PKNOX1: variants seen among roughly 807,000 people sequenced by gnomAD.
PKNOX1 encodes the protein homeobox protein PKNOX1.
Under a neutral mutation model 51.9 loss-of-function variants are expected in PKNOX1, and 15 were observed. The observed-to-expected ratio is 0.29, with a 90% confidence interval of 0.19 to 0.45. The LOEUF (loss-of-function observed/expected upper bound fraction) is 0.45, where lower values mean the gene tolerates loss of function less well. PKNOX1 is among the 20% of genes least tolerant of loss of function. PKNOX1 has a pLI of 1.00. For synonymous variants in PKNOX1, 219 were observed against 211.1 expected, an observed-to-expected ratio of 1.04 and a Z score of -0.32; for missense variants, 462 against 547.5, an observed-to-expected ratio of 0.84 and a Z score of 1.56.
Position 43,032,294 on chromosome 21 carries a change from A to T in PKNOX1, c.*2193A>T. On this transcript the variant is annotated 3_prime_UTR_variant, in exon 11 of 11. Transcript: ENST00000291547. ...ACTCCTTAAAATAAGCACCCATGAA[A>T]GCCAGCCAGCCCTTCCTCCTTCCCT... 1 of 353,658 alleles carries T rather than the reference A, an allele frequency of 2.8e-6. No individual in the cohort carries two copies. Among genetic ancestry groups the T allele is most frequent in the Non-Finnish European group, 5.9e-6 (1 of 168,108 alleles). The allele number at this position is 353,658 out of a possible 1,614,324, so 21.9% of individuals were successfully genotyped here.
chr21:43,017,894 G>A, intron 6 of PKNOX1: 1 of 385,780 alleles, frequency 2.6e-6, no homozygotes, highest in South Asian at 4.1e-5. Context: ...TCAAACCAGG[G>A]ATTTTATTCC....
chr21:42,987,399 AAAAAAATAT>A (rs1181406887), intron 1 of PKNOX1, among the ~76,000 whole-genome samples: 8 of 114,124 alleles, frequency 7.0e-5, no homozygotes, highest in Non-Finnish European at 1.5e-4. Flanking sequence ...AAAAAAAAAA[AAAAAAATAT>A]ATATATATAT....
At chr21:42,979,313 C>G (rs1456465367) in intron 1 of PKNOX1, among the ~76,000 whole-genome samples, 1 of 152,012 alleles carries the variant, frequency 6.6e-6, no homozygotes, top group Non-Finnish European at 1.5e-5. Context: ...AACACAGACA[C>G]AAAGTGAGCT....
Position 42,982,142 on chromosome 21 carries a change from A to G in PKNOX1, c.-57+7478A>G, listed in dbSNP as rs552656363. The stretch of plus-strand genomic sequence containing the variant: ...CCCTCACACCACCTACCAGGCGCTG[A>G]CCTTCGGGCTGGGGGCTGGCCTTGG... On this transcript the variant is annotated intron_variant, in intron 1 of 10. Transcript: ENST00000291547. 3.9e-5 allele frequency among the ~76,000 whole-genome samples: 6 copies of G among 152,174 alleles called. No homozygotes were observed. The South Asian group carries it at 1.0e-3, about 26-fold the overall frequency.
intron 7 of PKNOX1, among the ~76,000 whole-genome samples, chr21:43,019,877 G>T (rs1979679197): frequency 1.4e-5 from 2 of 142,688 alleles, no homozygotes; most frequent in Admixed American, 7.0e-5. Context: ...CCAATCTTTT[G>T]TGTTTTTCTC....
At chr21:42,982,738 A>AG (rs2059033188) in intron 1 of PKNOX1, among the ~76,000 whole-genome samples, 1 of 139,570 alleles carries the variant, frequency 7.2e-6, no homozygotes, top group Non-Finnish European at 1.6e-5. Context: ...TCTCAAAAAA[A>AG]AAAAAAAAAG....
At chr21:43,005,453 A>G (rs766930455) in intron 2 of PKNOX1, among the ~76,000 whole-genome samples, 4 of 151,428 alleles carry the variant, frequency 2.6e-5, no homozygotes, top group South Asian at 2.1e-4. Flanking sequence ...CTGTATAGCA[A>G]TTAAAGGAGG....
chr21:42,983,538 C>A (rs1157873227), intron 1 of PKNOX1, among the ~76,000 whole-genome samples: 2 of 152,196 alleles, frequency 1.3e-5, no homozygotes, highest in African/African-American at 2.4e-5. Context: ...CATCCCTCAA[C>A]AGACACTTGA....
At chr21:42,981,110 C>A (rs559326546) in intron 1 of PKNOX1, among the ~76,000 whole-genome samples, 1 of 152,336 alleles carries the variant, frequency 6.6e-6, no homozygotes, top group South Asian at 2.1e-4. Flanking sequence ...CATCTTGCAT[C>A]CGTGTGCAGC....
At chr21:42,987,618 CTTT>C (rs34065433) in intron 1 of PKNOX1, among the ~76,000 whole-genome samples, 8 of 113,120 alleles carry the variant, frequency 7.1e-5, no homozygotes, top group African/African-American at 1.3e-4. Flanking sequence ...ATGGTTTCTA[CTTT>C]TTTTTTTTTT....
chr21:43,032,232 A>G lies in PKNOX1; in HGVS notation c.*2131A>G, dbSNP rs1445361453. On this transcript the variant is annotated 3_prime_UTR_variant, in exon 11 of 11. Coordinates refer to ENST00000291547, the MANE Select transcript of PKNOX1 (RefSeq NM_004571.5). ...TCTTCTCATATTTTAAGTCAAGTCT[A>G]TAAGATCATTTTTAACCTAAGTTCC... is the stretch of plus-strand genomic sequence containing the variant. 1.1e-5 allele frequency: 5 copies of G among 437,826 alleles called. No individual in the cohort carries two copies. The highest frequency in any genetic ancestry group is 6.4e-5 in the African/African-American group (3 of 46,698). 27.1% of individuals were successfully genotyped at this position (437,826 alleles called of 1,614,324 possible).
chr21:43,001,403 G>A (rs1978745391), intron 1 of PKNOX1, among the ~76,000 whole-genome samples: 2 of 152,090 alleles, frequency 1.3e-5, no homozygotes, highest in East Asian at 3.9e-4. Flanking sequence ...AGCACCCTCA[G>A]CCCCACTCTT....
At chr21:43,000,107 T>C (rs1001435586) in intron 1 of PKNOX1, among the ~76,000 whole-genome samples, 1 of 152,110 alleles carries the variant, frequency 6.6e-6, no homozygotes, top group African/African-American at 2.4e-5. Context: ...GTCAAAGCCA[T>C]TCAACAAGTC....
At chr21:43,011,159 C>A (rs550520714) in intron 4 of PKNOX1, among the ~76,000 whole-genome samples, 9 of 151,714 alleles carry the variant, frequency 5.9e-5, no homozygotes, top group Admixed American at 2.6e-4. Context: ...GCTCCGCCTC[C>A]CAGGTTCAAG....
chr21:43,014,019 CTTTT>C (rs149943829), intron 5 of PKNOX1, among the ~76,000 whole-genome samples: 1 of 120,422 alleles, frequency 8.3e-6, no homozygotes, highest in Non-Finnish European at 1.7e-5. Context: ...TGTCTTTTGC[CTTTT>C]TTTTTTTTTT....
chr21:42,994,104 G>A (rs533505667), intron 1 of PKNOX1, among the ~76,000 whole-genome samples: 2 of 136,912 alleles, frequency 1.5e-5, no homozygotes, highest in Non-Finnish European at 3.1e-5. Flanking sequence ...ACAGTGGTAT[G>A]ATCACGGCTC....
chr21:42,995,701 C>A (rs940001024), intron 1 of PKNOX1, among the ~76,000 whole-genome samples: 2 of 152,070 alleles, frequency 1.3e-5, no homozygotes, highest in Non-Finnish European at 2.9e-5. Flanking sequence ...TGAAATGTAT[C>A]TTGTGGCAGG....
At position 42,993,732 on chromosome 21, in the gene PKNOX1, TTTC is replaced by T. The variant is rs1391008213; in HGVS notation, c.-56-10591_-56-10589del. Among the ~76,000 whole-genome samples the T allele has an allele frequency of 4.2e-3, 11 of 2,598 alleles. 1 individual carries two copies. The highest frequency in any genetic ancestry group is 9.4e-3 in the African/African-American group (5 of 530). The allele number at this position is 2,598 out of a possible 152,430, so 1.7% of individuals were successfully genotyped here. ...ATTTGGTATTCGTTAACTCTTTTTTTTTCTTTTTTTTTTTTTTTGAAACAGAGT... is the reference window on the plus strand; with the variant it reads ...ATTTGGTATTCGTTAACTCTTTTTTTTTTTTTTTTTTTTTTGAAACAGAGT... On this transcript the variant is annotated intron_variant, in intron 1 of 10. Transcript: ENST00000291547.
At chr21:43,012,321 A>G (rs888652477) in intron 4 of PKNOX1, among the ~76,000 whole-genome samples, 6 of 152,226 alleles carry the variant, frequency 3.9e-5, no homozygotes, top group African/African-American at 1.4e-4. Flanking sequence ...GCACTTTGGG[A>G]GGCTGAGGCA....
Sources: gnomAD v4.1 joint callset for allele counts (sites outside exome capture counted in the v4.1 genomes callset) on GRCh38, gnomAD v4.1.1 for gene constraint, MANE v1.5 for transcripts, NCBI Gene and HGNC (gene_info 2026-07-23, HGNC 2026-07-21) for gene names.